Variants in ADARB2 observed in about 807,000 individuals in gnomAD.
ADARB2 encodes adenosine deaminase RNA specific B2 (inactive), also known as inactive double-stranded RNA-specific editase B2.
ADARB2 carries 25 observed loss-of-function variants against 62.2 expected under a neutral mutation model. The ratio of observed to expected loss-of-function variants is 0.40; its 90% CI spans 0.29 to 0.56. ADARB2 has a LOEUF of 0.56. Ranked by LOEUF, ADARB2 falls within the 20% of genes least tolerant of loss-of-function variation. ADARB2 has a pLI of 0.43. For synonymous variants in ADARB2, 572 were observed against 500.8 expected (o/e 1.14, Z -1.90); for missense variants, 1,071 against 1,077.4 (o/e 0.99, Z 0.08).
chr10:1,510,004 CTTTT>C (rs1024787996), intron 1 of ADARB2, among the ~76,000 whole-genome samples: 19 of 151,700 alleles, frequency 1.3e-4, no homozygotes, highest in East Asian at 3.9e-4. Flanking sequence ...CTCTTTCTTT[CTTTT>C]CTTTCTTCTT....
intron 1 of ADARB2, among the ~76,000 whole-genome samples, chr10:1,723,757 C>A (rs76494824): frequency 2.0e-5 from 3 of 152,140 alleles, no homozygotes; most frequent in Admixed American, 2.0e-4. Flanking sequence ...AAACTACTTA[C>A]CTTCTAACCA....
intron 1 of ADARB2, among the ~76,000 whole-genome samples, chr10:1,505,353 T>C (rs1282105315): frequency 6.6e-6 from 1 of 151,370 alleles, no homozygotes; most frequent in Admixed American, 6.6e-5. Context: ...AGAGGGAAGA[T>C]GGCACCTGCA....
intron 3 of ADARB2, among the ~76,000 whole-genome samples, chr10:1,347,153 C>T (rs897513204): frequency 2.0e-5 from 3 of 152,202 alleles, no homozygotes; most frequent in Non-Finnish European, 2.9e-5. Context: ...TTCCCAGCCC[C>T]GCACGCCAGC....
chr10:1,220,385 G>GTGA (rs555827905), intron 6 of ADARB2, among the ~76,000 whole-genome samples: 2 of 151,090 alleles, frequency 1.3e-5, no homozygotes, highest in East Asian at 3.9e-4. Flanking sequence ...GATGGTGGTG[G>GTGA]TGATGATGGT....
At chr10:1,448,527 G>A (rs1283685090) in intron 1 of ADARB2, among the ~76,000 whole-genome samples, 2 of 152,212 alleles carry the variant, frequency 1.3e-5, no homozygotes, top group African/African-American at 2.4e-5. Context: ...TTCCCAGCCT[G>A]TGAGATTGCC....
chr10:1,337,093 T>TGTGTG (rs1554755012), intron 3 of ADARB2, among the ~76,000 whole-genome samples: 1 of 150,488 alleles, frequency 6.6e-6, no homozygotes, highest in African/African-American at 2.4e-5. Flanking sequence ...TGTGTGTGTG[T>TGTGTG]TTTAGATATA....
At chr10:1,543,113 C>T (rs61831941) in intron 1 of ADARB2, among the ~76,000 whole-genome samples, 1 of 152,258 alleles carries the variant, frequency 6.6e-6, no homozygotes, top group Non-Finnish European at 1.5e-5. Context: ...CACCCTGGGG[C>T]GGTGTGGGGT....
chr10:1,249,855 TGA>T (rs1282457568), intron 4 of ADARB2, among the ~76,000 whole-genome samples: 1 of 151,808 alleles, frequency 6.6e-6, no homozygotes, highest in Non-Finnish European at 1.5e-5. Flanking sequence ...CTAGAAACAA[TGA>T]GAGAGCTTAA....
chr10:1,232,968 A>T (rs1830823912), intron 6 of ADARB2, among the ~76,000 whole-genome samples: 3 of 151,998 alleles, frequency 2.0e-5, no homozygotes, highest in African/African-American at 7.3e-5. Flanking sequence ...TGTGTGTGAC[A>T]TATGCAGATA....
rs763015613 is a variant in ADARB2, at chr10:1,573,896, G to C, written c.100+163155C>G. On this transcript the variant is annotated intron_variant, in intron 1 of 9. Transcript: ENST00000381312. ...AGAGGTCAGTGACACCCAGTAAGAT[G>C]GCCGCTGGGCAGGACACAAGACACG... Among the ~76,000 whole-genome samples the C allele has an allele frequency of 8.4e-4, 128 of 152,298 alleles. 1 individual carries two copies. Among genetic ancestry groups the C allele is most frequent in the South Asian group, 1.2e-3 (6 of 4,822 alleles).
At chr10:1,479,428 G>A (rs533001737) in intron 1 of ADARB2, among the ~76,000 whole-genome samples, 2 of 152,190 alleles carry the variant, frequency 1.3e-5, no homozygotes, top group African/African-American at 4.8e-5. Flanking sequence ...TGGCTTCAGG[G>A]CCCGGACAGC....
intron 1 of ADARB2, among the ~76,000 whole-genome samples, chr10:1,563,472 C>T (rs1049887569): frequency 1.3e-5 from 2 of 152,100 alleles, no homozygotes; most frequent in Non-Finnish European, 2.9e-5. Context: ...ATCATCTTAT[C>T]CTCCTTGGCC....
intron 1 of ADARB2, among the ~76,000 whole-genome samples, chr10:1,575,059 T>C (rs1225617796): frequency 4.1e-5 from 1 of 24,670 alleles, no homozygotes; most frequent in African/African-American, 2.1e-4. Context: ...TAACTCAACT[T>C]CCTGACTCCC....
At chr10:1,357,093 G>T (rs1832203164) in intron 3 of ADARB2, among the ~76,000 whole-genome samples, 1 of 152,230 alleles carries the variant, frequency 6.6e-6, no homozygotes. Flanking sequence ...GGGGTTAAAA[G>T]AGTTCCTGTC....
At position 1,327,075 on chromosome 10, in the gene ADARB2, GCACAGCGCCTCCTCACT is replaced by G. The variant is rs1831865076; in HGVS notation, c.1077+35936_1077+35952del. On this transcript the variant is annotated intron_variant, in intron 3 of 9. Coordinates refer to ENST00000381312, the MANE Select transcript of ADARB2 (RefSeq NM_018702.4). ...CCCCACTGCCCAGCGCCTCCCCACTGCACAGCGCCTCCTCACTGCACAGCGCCTCCCCACGGCACAGC... is the reference window on the plus strand; with the variant it reads ...CCCCACTGCCCAGCGCCTCCCCACTGGCACAGCGCCTCCCCACGGCACAGC... Among the ~76,000 whole-genome samples, 4 of 96,498 alleles carry G rather than the reference GCACAGCGCCTCCTCACT, an allele frequency of 4.1e-5. 1 individual carries two copies. The highest frequency in any genetic ancestry group is 1.8e-4 in the African/African-American group (4 of 22,484). 63.3% of individuals were successfully genotyped at this position (96,498 alleles called of 152,430 possible).
intron 1 of ADARB2, among the ~76,000 whole-genome samples, chr10:1,638,830 A>T (rs973529655): frequency 2.6e-5 from 4 of 152,134 alleles, no homozygotes; most frequent in Non-Finnish European, 5.9e-5. Context: ...CTCATCACTC[A>T]TCTTCTATTT....
At chr10:1,379,571 C>T (rs1392446103) in intron 1 of ADARB2, among the ~76,000 whole-genome samples, 1 of 152,176 alleles carries the variant, frequency 6.6e-6, no homozygotes, top group African/African-American at 2.4e-5. Context: ...CCAATAAAGC[C>T]AAGACTATCT....
rs573117264 is a variant in ADARB2, at chr10:1,525,779, GTGTT to G, written c.101-146623_101-146620del. ...TGTATGTGTATGCTCATGTGCTTGT[GTGTT>G]TATGTGTGTGTATGTGCGTATGTGA... On this transcript the variant is annotated intron_variant, in intron 1 of 9. Transcript: ENST00000381312. Among the ~76,000 whole-genome samples, 4 of 152,124 alleles carry G rather than the reference GTGTT, an allele frequency of 2.6e-5. No individual in the cohort carries two copies. The South Asian group carries it at 6.2e-4, about 24-fold the overall frequency.
chr10:1,701,986 G>T (rs1231198162), intron 1 of ADARB2, among the ~76,000 whole-genome samples: 1 of 152,364 alleles, frequency 6.6e-6, no homozygotes, highest in African/African-American at 2.4e-5. Flanking sequence ...GGGAAATGAA[G>T]AAAGACTGTG....
Sources: allele counts gnomAD v4.1 joint callset (sites outside exome capture counted in the v4.1 genomes callset), GRCh38; gene constraint gnomAD v4.1.1; transcripts MANE v1.5; gene names NCBI Gene and HGNC (gene_info 2026-07-23, HGNC 2026-07-21).